The following PDE3A variants were observed in gnomAD, a reference collection of about 807,000 sequenced individuals.
PDE3A encodes the protein phosphodiesterase 3A, also known as cGMP-inhibited 3',5'-cyclic phosphodiesterase 3A.
In PDE3A, 43 loss-of-function variants were observed where a neutral mutation model predicts 98.3. That is an observed-to-expected ratio of 0.44 (90% CI 0.34 to 0.56). PDE3A has a LOEUF of 0.56. Ranked by LOEUF, PDE3A falls within the 20% of genes least tolerant of loss-of-function variation. The pLI, the probability that PDE3A is intolerant of heterozygous loss-of-function variation, is 0.01. For synonymous variants in PDE3A, 663 were observed against 567.9 expected (o/e 1.17, Z -2.38); for missense variants, 1,427 against 1,440.7 (o/e 0.99, Z 0.15).
At chr12:20,382,767 G>T (rs1193640324) in intron 1 of PDE3A, among the ~76,000 whole-genome samples, 1 of 151,906 alleles carries the variant, frequency 6.6e-6, no homozygotes, top group Non-Finnish European at 1.5e-5. Context: ...ATGTAATAAT[G>T]GACAGAGGTT....
chr12:20,478,331 T>A (rs1332567654), intron 1 of PDE3A, among the ~76,000 whole-genome samples: 1 of 152,134 alleles, frequency 6.6e-6, no homozygotes, highest in African/African-American at 2.4e-5. Flanking sequence ...ATAGCTGCAG[T>A]TGTAATCAGG....
At chr12:20,587,368 C>G (rs144899050) in intron 2 of PDE3A, among the ~76,000 whole-genome samples, 1 of 152,090 alleles carries the variant, frequency 6.6e-6, no homozygotes, top group African/African-American at 2.4e-5. Flanking sequence ...GACTCCACCT[C>G]AAAAATTAAA....
Position 20,648,880 on chromosome 12 carries a change from T to C in PDE3A, c.2758T>C (p.Phe920Leu). 6.2e-7 allele frequency: 1 copy of C among 1,608,954 alleles called. No homozygotes were observed. Among genetic ancestry groups the C allele is most frequent in the Non-Finnish European group, 8.5e-7 (1 of 1,175,510 alleles). The change falls in exon 13 of 16, where the codon TTT becomes CTT. Residue 920 changes from phenylalanine (F) to leucine (L), a missense_variant. Phe to Leu is a conservative substitution (Grantham distance 22, BLOSUM62 0). Around this residue, in one of 3 missense-constraint regions of PDE3A, gnomAD observed 273 missense variants for 420.3 expected, o/e 0.65. Transcript: ENST00000359062. ...GAAACACTTTGACTTCGTAGCCAAA[T>C]TTAATGGCAAGGTAAATAGAGCTGT... ...LKKHFDFVAK[F>L]NGKVNDDVGI...
chr12:20,672,031 T>A (rs71446710), intron 15 of PDE3A, among the ~76,000 whole-genome samples: 224 of 151,402 alleles, frequency 1.5e-3, no homozygotes, highest in Non-Finnish European at 2.8e-3. Flanking sequence ...TGTACAAAAA[T>A]CACAAGCATT....
chr12:20,508,971 A>T (rs972461625), intron 1 of PDE3A, among the ~76,000 whole-genome samples: 2 of 152,010 alleles, frequency 1.3e-5, no homozygotes, highest in African/African-American at 4.8e-5. Flanking sequence ...AAATTTCATT[A>T]TAATTTGTTG....
rs752202102 is a variant in PDE3A, at chr12:20,639,795, T to C, written c.2140-51T>C. ...CCTAGTTTCACCACTGTTCTCTTTA[T>C]GTCTGACATACACATAGGGATGTTT... On this transcript the variant is annotated intron_variant, in intron 9 of 15. Transcript: ENST00000359062. The C allele has an allele frequency of 1.2e-5, 10 of 812,520 alleles. No homozygotes were observed. In the South Asian group the frequency reaches 1.4e-4, roughly 12 times the overall value. The allele number at this position is 812,520 out of a possible 1,614,324, so 50.3% of individuals were successfully genotyped here.
chr12:20,447,963 T>G (rs7488861), intron 1 of PDE3A, among the ~76,000 whole-genome samples: 129,525 of 151,880 alleles, frequency 0.85, 58,149 homozygotes, highest in East Asian at 1. Flanking sequence ...GAAGAATCTT[T>G]TGTCAGAAGT....
chr12:20,501,296 T>C (rs993189052), intron 1 of PDE3A, among the ~76,000 whole-genome samples: 3 of 152,198 alleles, frequency 2.0e-5, no homozygotes, highest in African/African-American at 7.2e-5. Flanking sequence ...AGGAAGTATT[T>C]TCTTCATCTT....
intron 1 of PDE3A, among the ~76,000 whole-genome samples, chr12:20,462,124 G>C (rs990456573): frequency 1.3e-5 from 2 of 152,088 alleles, no homozygotes; most frequent in Non-Finnish European, 1.5e-5. Context: ...TATGAGAAAA[G>C]TGTTCTTCTC....
chr12:20,668,086 C>G (rs978276144), intron 15 of PDE3A, among the ~76,000 whole-genome samples: 1 of 152,140 alleles, frequency 6.6e-6, no homozygotes, highest in South Asian at 2.1e-4. Flanking sequence ...AAAGGGGTGA[C>G]AGATGGCACC....
intron 1 of PDE3A, among the ~76,000 whole-genome samples, chr12:20,400,261 G>T (rs1299987229): frequency 6.6e-6 from 1 of 151,824 alleles, no homozygotes; most frequent in Non-Finnish European, 1.5e-5. Context: ...AGATACTGAA[G>T]AATGAAAGAC....
intron 2 of PDE3A, among the ~76,000 whole-genome samples, chr12:20,561,853 A>T (rs1009416212): frequency 6.6e-6 from 1 of 152,182 alleles, no homozygotes; most frequent in Non-Finnish European, 1.5e-5. Context: ...TTAATTGCAT[A>T]TGACTTTTTA....
At chr12:20,494,152 C>T (rs1361492713) in intron 1 of PDE3A, among the ~76,000 whole-genome samples, 1 of 152,164 alleles carries the variant, frequency 6.6e-6, no homozygotes, top group Non-Finnish European at 1.5e-5. Flanking sequence ...CTTCAGGCCG[C>T]TCTCTGATGA....
At chr12:20,450,625 T>C (rs1591946033) in intron 1 of PDE3A, among the ~76,000 whole-genome samples, 1 of 152,346 alleles carries the variant, frequency 6.6e-6, no homozygotes, top group Middle Eastern at 3.4e-3. Context: ...ACTTTAACAT[T>C]TGAGAGAATG....
chr12:20,479,219 G>C (rs1945581442), intron 1 of PDE3A, among the ~76,000 whole-genome samples: 1 of 152,168 alleles, frequency 6.6e-6, no homozygotes, highest in Non-Finnish European at 1.5e-5. Context: ...AATAGACATT[G>C]AAAAACACTG....
intron 2 of PDE3A, among the ~76,000 whole-genome samples, chr12:20,581,685 T>G (rs1287431128): frequency 6.7e-6 from 1 of 148,390 alleles, no homozygotes; most frequent in African/African-American, 2.5e-5. Context: ...CGATCTCGGC[T>G]CACTGCAAGC....
chr12:20,498,002 TTAAC>T (rs1290444353), intron 1 of PDE3A, among the ~76,000 whole-genome samples: 4 of 152,178 alleles, frequency 2.6e-5, no homozygotes, highest in Non-Finnish European at 5.9e-5. Flanking sequence ...TATGAGCTAA[TTAAC>T]TATGCAGAAA....
chr12:20,672,987 T>C (rs1945529309), intron 15 of PDE3A, among the ~76,000 whole-genome samples: 1 of 151,068 alleles, frequency 6.6e-6, no homozygotes, highest in Non-Finnish European at 1.5e-5. Flanking sequence ...TACAATGAAC[T>C]CATACAAATT....
chr12:20,523,295 C>T (rs1174029085), intron 1 of PDE3A, among the ~76,000 whole-genome samples: 2 of 152,118 alleles, frequency 1.3e-5, no homozygotes, highest in East Asian at 1.9e-4. Flanking sequence ...AGTGTTCTCC[C>T]TTCCCAGCTT....
Sources: gnomAD v4.1 joint callset for allele counts (sites outside exome capture counted in the v4.1 genomes callset) on GRCh38, gnomAD v4.1.1 for gene constraint, gnomAD v4.1.1 regional missense constraint, MANE v1.5 for transcripts, NCBI Gene and HGNC (gene_info 2026-07-23, HGNC 2026-07-21) for gene names.